Variants in DNAH2 observed in about 807,000 individuals in gnomAD.
DNAH2 encodes the protein dynein axonemal heavy chain 2.
In DNAH2, 323 loss-of-function variants were observed where a neutral mutation model predicts 523.5. The ratio of observed to expected loss-of-function variants is 0.62; its 90% CI spans 0.56 to 0.68. The LOEUF (loss-of-function observed/expected upper bound fraction) is 0.68, where lower values mean the gene tolerates loss of function less well. DNAH2 is among the 30% of genes least tolerant of loss of function. DNAH2 has a pLI of 0.00. For missense variants in DNAH2, 4,907 were observed against 5,701.5 expected, an observed-to-expected ratio of 0.86 and a Z score of 4.49; for synonymous variants, 2,093 against 2,177.4, an observed-to-expected ratio of 0.96 and a Z score of 1.08.
chr17:7,787,387 G>A (rs576050777), intron 42 of DNAH2: 18 of 354,450 alleles, frequency 5.1e-5, no homozygotes, highest in African/African-American at 1.2e-4. Context: ...CCAACAATGC[G>A]AGCAAGAGAG....
rs150373097 is a variant in DNAH2, at chr17:7,793,045, A to G, written c.7409A>G (p.Tyr2470Cys). The G allele has an allele frequency of 8.7e-6, 14 of 1,614,094 alleles. No homozygotes were observed. Among genetic ancestry groups the G allele is most frequent in the Non-Finnish European group, 1.2e-5 (14 of 1,180,030 alleles). ...SRVEKRTKGV[Y>C]VPFGGKSMIT... ...GTTGAGAAGCGAACCAAGGGTGTCT[A>G]CGTGCCATTCGGGGGCAAAAGCATG... Residue 2470 changes from tyrosine (Y) to cysteine (C), a missense_variant, in exon 48 of 86, where the codon TAC becomes TGC. By Grantham distance (194) the Tyr-to-Cys change is radical (BLOSUM62 -2). Coordinates refer to ENST00000572933, the MANE Select transcript of DNAH2 (RefSeq NM_020877.5).
chr17:7,817,633 C>T lies in DNAH2; in HGVS notation c.10093C>T (p.Arg3365Trp), dbSNP rs138685987. 4.7e-4 allele frequency: 752 copies of T among 1,614,124 alleles called. No individual in the cohort carries two copies. The highest frequency in any genetic ancestry group is 9.8e-4 in the Admixed American group (59 of 60,014). Residue 3365 changes from arginine (R) to tryptophan (W), a missense_variant, in exon 66 of 86, where the codon CGG becomes TGG. By Grantham distance (101) the Arg-to-Trp change is moderately radical (BLOSUM62 -3). This residue lies in a region of DNAH2 where 1,851 missense variants were observed against 2,139.4 expected (regional missense o/e 0.87). Coordinates refer to ENST00000572933, the MANE Select transcript of DNAH2 (RefSeq NM_020877.5). ...DNFLCNPTKV[R>W]DWNIQGLPSD... ...CTTCCTGTGCAATCCTACCAAAGTC[C>T]GGGACTGGAACATCCAAGGGTTGCC...
At chr17:7,724,535 C>G (rs957237084) in intron 3 of DNAH2, among the ~76,000 whole-genome samples, 1 of 152,052 alleles carries the variant, frequency 6.6e-6, no homozygotes, top group African/African-American at 2.4e-5. Flanking sequence ...AGGAGAATTG[C>G]TTGAACCCGA....
At chr17:7,730,170 G>A (rs992398736) in intron 4 of DNAH2, among the ~76,000 whole-genome samples, 5 of 148,182 alleles carry the variant, frequency 3.4e-5, no homozygotes, top group Non-Finnish European at 6.0e-5. Context: ...ATGATAAAAT[G>A]TGAGAATAAG....
Position 7,816,721 on chromosome 17 carries a change from G to T in DNAH2, c.9880G>T (p.Glu3294Ter). ...GTTGGCTGGCGAGAAGGCCAGATGGGAGGAGACAGTCCAGGTGAGATCAGC... is the reference window on the plus strand; with the variant it reads ...GTTGGCTGGCGAGAAGGCCAGATGGTAGGAGACAGTCCAGGTGAGATCAGC... ...SGLAGEKARW[E>*]ETVQGLEEDL... The change falls in exon 64 of 86, where the codon GAG becomes TAG. Residue 3294 changes from glutamate to a stop codon, truncating the protein, a stop_gained. Coordinates refer to ENST00000572933, the MANE Select transcript of DNAH2 (RefSeq NM_020877.5). LOFTEE classifies it high-confidence loss of function. The T allele has an allele frequency of 1.2e-6, 2 of 1,613,876 alleles. No homozygotes were observed. The highest frequency in any genetic ancestry group is 2.2e-5 in the South Asian group (2 of 91,076).
chr17:7,761,907 G>GA lies in DNAH2; in HGVS notation c.2978+989dup, dbSNP rs201158634. On this transcript the variant is annotated intron_variant, in intron 18 of 85. Transcript: ENST00000572933. The stretch of plus-strand genomic sequence containing the variant: ...CATTGTATGGGCCATGAGGAGTTAA[G>GA]AAAAAAAAAAAAAAGAAATGAGCAA... Among the ~76,000 whole-genome samples, 253 of 128,646 alleles carry GA rather than the reference G, an allele frequency of 2.0e-3. 1 individual carries two copies. Among genetic ancestry groups the GA allele is most frequent in the African/African-American group, 3.3e-3 (117 of 35,044 alleles). 84.4% of individuals were successfully genotyped at this position (128,646 alleles called of 152,430 possible). A position where few individuals can be genotyped will look rare whatever the true frequency, so the allele number is the denominator to read the frequency against.
At chr17:7,759,254 G>A (rs748383130) in intron 15 of DNAH2, 130 bp downstream of exon 15, 217 of 1,461,252 alleles carry the variant, frequency 1.5e-4, no homozygotes, top group Non-Finnish European at 1.9e-4. Flanking sequence ...TCGTGCTCTA[G>A]TCTTGGACTC....
intron 8 of DNAH2, chr17:7,737,953 CCTT>C (rs902805517): frequency 1.4e-6 from 1 of 702,710 alleles, no homozygotes; most frequent in East Asian, 2.7e-5. Context: ...TGTGGGGACT[CCTT>C]CTGCAGATGA....
At chr17:7,749,308 C>CAAAAAAAAAAAAAA (rs57660603) in intron 12 of DNAH2, among the ~76,000 whole-genome samples, 257 of 17,770 alleles carry the variant, frequency 0.014, 101 homozygotes, top group East Asian at 0.022. Flanking sequence ...AACTCCCCCC[C>CAAAAAAAAAAAAAA]AAAAAAAAAA....
rs1567714402 is a variant in DNAH2 at position 7,796,473 on chromosome 17, A to G, written c.7684A>G (p.Ile2562Val). The change falls in exon 50 of 86, where the codon ATC (isoleucine) becomes GTC (valine). Residue 2562 changes from isoleucine (I) to valine (V), a missense_variant. Physicochemically the swap from Ile to Val is conservative, Grantham distance 29. Coordinates refer to ENST00000572933, the MANE Select transcript of DNAH2 (RefSeq NM_020877.5). ...CAGGGTCTGTTTCTAGAAGTCCCAG[A>G]TCATCCGCATATTCGGCACCATGAT... ...INMTFPTKSQ[I>V]IRIFGTMINQ... The G allele has an allele frequency of 1.2e-6, 2 of 1,613,832 alleles. No individual in the cohort carries two copies. The highest frequency in any genetic ancestry group is 2.2e-5 in the South Asian group (2 of 91,054).
rs1347983188 is a variant in DNAH2 at position 7,797,763 on chromosome 17, G to C, written c.8164G>C (p.Glu2722Gln). 1 of 1,614,012 alleles carries C rather than the reference G, an allele frequency of 6.2e-7. No individual in the cohort carries two copies. Among genetic ancestry groups the C allele is most frequent in the South Asian group, 1.1e-5 (1 of 91,078 alleles). Residue 2722 changes from glutamate to glutamine, a missense_variant, in exon 53 of 86, where the codon GAG becomes CAG. This residue lies in a region of DNAH2 where 250 missense variants were observed against 371.3 expected (regional missense o/e 0.67). Transcript: ENST00000572933. ...GACAGTCATGGAGACAGCTCTAAAT[G>C]AGTATAACCTGTCACCCTCTGTCGT... Reference protein sequence around the residue: ...LKTVMETALNEYNLSPSVVPM... With the variant: ...LKTVMETALNQYNLSPSVVPM...
In DNAH2 at chr17:7,818,110, C is replaced by A. The variant is rs1376406555; in HGVS notation, c.10387+14C>A. ...TAGCCCGAATCGGTCAGGACAAGTC[C>A]CCAAGACCAGCCAAGTGGGATGCTA... On this transcript the variant is annotated intron_variant, in intron 68 of 85. Coordinates refer to ENST00000572933, the MANE Select transcript of DNAH2 (RefSeq NM_020877.5). 1 of 1,609,412 alleles carries A rather than the reference C, an allele frequency of 6.2e-7. No homozygotes were observed. Among genetic ancestry groups the A allele is most frequent in the Admixed American group, 1.7e-5 (1 of 60,004 alleles).
chr17:7,784,473 T>G (rs2076682618), intron 39 of DNAH2, among the ~76,000 whole-genome samples: 1 of 152,092 alleles, frequency 6.6e-6, no homozygotes, highest in East Asian at 1.9e-4. Flanking sequence ...AGGTCAGGAC[T>G]TCAAGGCTGC....
chr17:7,735,312 G>A (rs2075109536), intron 7 of DNAH2, among the ~76,000 whole-genome samples: 2 of 152,080 alleles, frequency 1.3e-5, no homozygotes, highest in South Asian at 4.1e-4. Context: ...TGTGTTTTTA[G>A]TAGAGACGGG....
chr17:7,741,270 CT>C (rs1567624494), intron 11 of DNAH2, among the ~76,000 whole-genome samples: 15 of 50,258 alleles, frequency 3.0e-4, no homozygotes, highest in African/African-American at 1.7e-3. Flanking sequence ...TTCTTTCTTT[CT>C]TTCTTTCTTT....
chr17:7,776,022 A>AG lies in DNAH2; in HGVS notation c.4822-1dup, dbSNP rs1164253858. The AG allele has an allele frequency of 6.2e-7, 1 of 1,613,570 alleles. No individual in the cohort carries two copies. The highest frequency in any genetic ancestry group is 1.7e-5 in the Admixed American group (1 of 59,992). ...CTGCCCTATTCTCCCACCTCCCCCC[A>AG]GTCCTGGCTTGGCGATGTGGAACAG... On this transcript the variant is annotated splice_acceptor_variant, in intron 30 of 85. Coordinates refer to ENST00000572933, the MANE Select transcript of DNAH2 (RefSeq NM_020877.5). LOFTEE classifies it high-confidence loss of function.
intron 21 of DNAH2, among the ~76,000 whole-genome samples, chr17:7,766,101 A>G (rs1003919674): frequency 7.2e-5 from 11 of 151,868 alleles, no homozygotes; most frequent in Admixed American, 2.6e-4. Context: ...TCTTATCCCG[A>G]CTTCCATATT....
chr17:7,815,428 T>C (rs891257872), intron 63 of DNAH2, among the ~76,000 whole-genome samples: 2 of 152,162 alleles, frequency 1.3e-5, no homozygotes, highest in Non-Finnish European at 2.9e-5. Context: ...ATATTCCTCA[T>C]GATGAAAAGG....
Position 7,742,982 on chromosome 17 carries a change from C to T in DNAH2, c.1744C>T (p.His582Tyr), listed in dbSNP as rs759165235. The change falls in exon 12 of 86, where the codon CAC becomes TAC. Residue 582 changes from histidine (H) to tyrosine (Y), a missense_variant. By Grantham distance (83) the His-to-Tyr change is moderately conservative. Coordinates refer to ENST00000572933, the MANE Select transcript of DNAH2 (RefSeq NM_020877.5). The part of the protein sequence containing the change: ...PRIGTGKESV[H>Y]TYQQMVQAID... ...TATTGGGACTGGAAAGGAGAGTGTG[C>T]ACACCTATCAGCAGATGGTCCAGGC... 11 of 1,507,238 alleles carry T rather than the reference C, an allele frequency of 7.3e-6. No individual in the cohort carries two copies. The highest frequency in any genetic ancestry group is 9.7e-6 in the Non-Finnish European group (11 of 1,130,692). The allele number at this position is 1,507,238 out of a possible 1,614,324, so 93.4% of individuals were successfully genotyped here. A position where few individuals can be genotyped will look rare whatever the true frequency, so the allele number is the denominator to read the frequency against.
Sources: allele counts gnomAD v4.1 joint callset (sites outside exome capture counted in the v4.1 genomes callset), GRCh38; gene constraint gnomAD v4.1.1; regional missense constraint gnomAD v4.1.1; transcripts MANE v1.5; gene names NCBI Gene and HGNC (gene_info 2026-07-23, HGNC 2026-07-21).